ARMH3: variants seen among roughly 807,000 people sequenced by gnomAD.
ARMH3 encodes the protein armadillo like helical domain containing 3, also known as armadillo-like helical domain-containing protein 3.
In ARMH3, 60 loss-of-function variants were observed where a neutral mutation model predicts 99.1. The observed-to-expected ratio is 0.61, with a 90% confidence interval of 0.49 to 0.75. The LOEUF is 0.75. ARMH3 is among the 30% of genes least tolerant of loss of function. The pLI is 0.00. For synonymous variants in ARMH3, 285 were observed against 292.8 expected (o/e 0.97, Z 0.27); for missense variants, 679 against 843.1 (o/e 0.81, Z 2.41).
At chr10:102,004,551 G>T (rs1454244331) in intron 14 of ARMH3, among the ~76,000 whole-genome samples, 2 of 152,182 alleles carry the variant, frequency 1.3e-5, no homozygotes, top group Non-Finnish European at 2.9e-5. Flanking sequence ...ATAATCAAGT[G>T]TGTGGGTGGA....
intron 1 of ARMH3, among the ~76,000 whole-genome samples, chr10:102,041,090 A>ATAATATATATATAT (rs1554897209): frequency 7.5e-6 from 1 of 132,642 alleles, no homozygotes; most frequent in South Asian, 2.4e-4. Flanking sequence ...ATATATATAT[A>ATAATATATATATAT]ATATATATAT....
At chr10:101,956,357 C>G (rs1167016830) in intron 22 of ARMH3, among the ~76,000 whole-genome samples, 1 of 152,162 alleles carries the variant, frequency 6.6e-6, no homozygotes, top group Non-Finnish European at 1.5e-5. Context: ...TTCTCTCTCT[C>G]TCTCTCAGCA....
In ARMH3 at chr10:102,040,027, C is replaced by T. The variant is rs986672705; in HGVS notation, c.88G>A (p.Asp30Asn). ...GCAGGCCTTACCATGAAGATCTCATCATACATCAGCACCACTTTTTCCTTC... is the reference window on the plus strand; with the variant it reads ...GCAGGCCTTACCATGAAGATCTCATTATACATCAGCACCACTTTTTCCTTC... ...PLKEKVVLMY[D>N]EIFMTEDPSK... Residue 30 changes from aspartate to asparagine, a missense_variant, in exon 2 of 26, where the codon GAT becomes AAT. Asp to Asn is a conservative substitution (Grantham distance 23, BLOSUM62 1). Coordinates refer to ENST00000370033, the MANE Select transcript of ARMH3 (RefSeq NM_024541.3). The T allele has an allele frequency of 6.2e-7, 1 of 1,613,978 alleles. No individual in the cohort carries two copies. The highest frequency in any genetic ancestry group is 1.3e-5 in the African/African-American group (1 of 74,930).
At chr10:101,957,007 T>C (rs1230050619) in intron 21 of ARMH3, among the ~76,000 whole-genome samples, 1 of 152,234 alleles carries the variant, frequency 6.6e-6, no homozygotes, top group South Asian at 2.1e-4. Context: ...TTTATAACTA[T>C]TATATCTGTG....
At chr10:102,024,551 A>G (rs2066957567) in intron 6 of ARMH3, among the ~76,000 whole-genome samples, 1 of 152,010 alleles carries the variant, frequency 6.6e-6, no homozygotes. Flanking sequence ...AGGCCAAGGC[A>G]GGTGGATCAC....
rs1317424637 is a variant in ARMH3 at position 101,849,902 on chromosome 10, A to C, written c.1861-10T>G. On this transcript the variant is annotated splice_polypyrimidine_tract_variant and intron_variant, in intron 24 of 25. Transcript: ENST00000370033. ...TCACCACCTCCAGCACCTGGAGGAC[A>C]TCAAGGGCCAGGCAGGGCTTAGGCC... 6.2e-7 allele frequency: 1 copy of C among 1,608,806 alleles called. No homozygotes were observed. The highest frequency in any genetic ancestry group is 8.5e-7 in the Non-Finnish European group (1 of 1,175,494).
At chr10:101,853,680 T>G (rs2135273798) in intron 24 of ARMH3, among the ~76,000 whole-genome samples, 1 of 152,306 alleles carries the variant, frequency 6.6e-6, no homozygotes, top group South Asian at 2.1e-4. Flanking sequence ...CTTCCTAGAA[T>G]CATGCCAACC....
intron 14 of ARMH3, among the ~76,000 whole-genome samples, chr10:102,006,286 A>T (rs1307894458): frequency 1.3e-5 from 2 of 152,202 alleles, no homozygotes; most frequent in Admixed American, 6.5e-5. Flanking sequence ...CAGGTCTAGC[A>T]CTCCATGCCT....
intron 19 of ARMH3, among the ~76,000 whole-genome samples, chr10:101,988,674 G>A (rs1182320836): frequency 2.0e-5 from 3 of 152,216 alleles, no homozygotes; most frequent in Non-Finnish European, 4.4e-5. Flanking sequence ...TGTAATCCCA[G>A]CACTTTGGGA....
intron 24 of ARMH3, among the ~76,000 whole-genome samples, chr10:101,870,684 C>A (rs2067112425): frequency 6.6e-6 from 1 of 152,164 alleles, no homozygotes; most frequent in African/African-American, 2.4e-5. Flanking sequence ...CAATCCTATA[C>A]AAACTCTTTT....
At chr10:101,960,947 G>A (rs1487488307) in intron 20 of ARMH3, among the ~76,000 whole-genome samples, 4 of 151,152 alleles carry the variant, frequency 2.6e-5, no homozygotes, top group South Asian at 2.1e-4. Flanking sequence ...CAAGCTGAAC[G>A]TGAAAGTGGG....
intron 22 of ARMH3, among the ~76,000 whole-genome samples, chr10:101,942,213 A>C (rs2135725140): frequency 6.6e-6 from 1 of 152,304 alleles, no homozygotes; most frequent in East Asian, 1.9e-4. Context: ...GTACACAAAA[A>C]TAATATGCAG....
intron 20 of ARMH3, among the ~76,000 whole-genome samples, chr10:101,959,968 A>C (rs1304459217): frequency 6.6e-6 from 1 of 152,226 alleles, no homozygotes; most frequent in Admixed American, 6.5e-5. Context: ...GCCTGAGTTC[A>C]GGAGTTCGAG....
At chr10:102,046,022 G>C (rs2067541200) in intron 1 of ARMH3, among the ~76,000 whole-genome samples, 1 of 152,006 alleles carries the variant, frequency 6.6e-6, no homozygotes, top group African/African-American at 2.4e-5. Context: ...TTGAAGTCAG[G>C]TGGAGGAGGT....
intron 8 of ARMH3, 65 bp from the exon 9 acceptor site, chr10:102,014,089 T>C: frequency 7.6e-7 from 1 of 1,314,548 alleles, no homozygotes; most frequent in South Asian, 1.3e-5. Flanking sequence ...TTAGCTATCT[T>C]TAAAGTGTTA....
At chr10:102,000,140 CAGAA>C (rs1255548080) in intron 15 of ARMH3, among the ~76,000 whole-genome samples, 15 of 151,976 alleles carry the variant, frequency 9.9e-5, no homozygotes. Flanking sequence ...CAACAACACA[CAGAA>C]AGAAATTTAA....
chr10:102,011,657 T>A, intron 11 of ARMH3, 66 bp downstream of exon 11: 1 of 1,364,216 alleles, frequency 7.3e-7, no homozygotes, highest in Non-Finnish European at 1.0e-6. Flanking sequence ...GGAGCCCGAT[T>A]TGTCCACCCC....
At chr10:101,882,492 G>A (rs1399329502) in intron 24 of ARMH3, among the ~76,000 whole-genome samples, 2 of 152,134 alleles carry the variant, frequency 1.3e-5, no homozygotes, top group African/African-American at 2.4e-5. Flanking sequence ...AAAAGTATGA[G>A]GTACTTTACT....
At chr10:101,950,196 A>AT (rs1844722219) in intron 22 of ARMH3, among the ~76,000 whole-genome samples, 1 of 152,352 alleles carries the variant, frequency 6.6e-6, no homozygotes, top group Admixed American at 6.5e-5. Flanking sequence ...CAACATTCAC[A>AT]TACAACATGA....
Sources: allele counts gnomAD v4.1 joint callset (sites outside exome capture counted in the v4.1 genomes callset), GRCh38; gene constraint gnomAD v4.1.1; transcripts MANE v1.5; gene names NCBI Gene and HGNC (gene_info 2026-07-23, HGNC 2026-07-21).